The following SLC24A2 variants were observed in gnomAD, a reference collection of about 807,000 sequenced individuals.
SLC24A2 encodes solute carrier family 24 member 2, also known as sodium/potassium/calcium exchanger 2.
A neutral mutation model predicts 62.0 loss-of-function variants in SLC24A2; 36 were observed. The observed-to-expected ratio is 0.58, with a 90% CI of 0.44 to 0.77. The LOEUF is 0.77. Ranked by LOEUF, SLC24A2 falls within the 30% of genes least tolerant of loss-of-function variation. SLC24A2 has a pLI of 0.00. For synonymous variants in SLC24A2, 358 were observed against 294.0 expected (o/e 1.22, Z -2.23); for missense variants, 846 against 817.9 (o/e 1.03, Z -0.42).
At chr9:19,568,869 C>T (rs548498922) in intron 7 of SLC24A2, among the ~76,000 whole-genome samples, 1 of 152,282 alleles carries the variant, frequency 6.6e-6, no homozygotes, top group Non-Finnish European at 1.5e-5. Flanking sequence ...CCGCCCCAGC[C>T]CCTGTTCTGG....
chr9:20,050,533 G>C, the SLC24A2 span, among the ~76,000 whole-genome samples: 2 of 152,138 alleles, frequency 1.3e-5, no homozygotes, highest in African/African-American at 4.8e-5. Context: ...GAGGAATAGA[G>C]ACCTCATGCT....
chr9:20,001,602 C>A, the SLC24A2 span, among the ~76,000 whole-genome samples: 7 of 152,298 alleles, frequency 4.6e-5, no homozygotes, highest in South Asian at 1.4e-3. Flanking sequence ...CTGGCAATGG[C>A]TGAGTTTGGT....
intron 8 of SLC24A2, among the ~76,000 whole-genome samples, chr9:19,528,649 A>G (rs2132661422): frequency 6.6e-6 from 1 of 152,312 alleles, no homozygotes; most frequent in African/African-American, 2.4e-5. Context: ...AGATTGACTC[A>G]TCTTACAGTA....
At chr9:19,996,167 A>C in the SLC24A2 span, among the ~76,000 whole-genome samples, 1 of 152,206 alleles carries the variant, frequency 6.6e-6, no homozygotes, top group African/African-American at 2.4e-5. Flanking sequence ...GCTGTGAAGA[A>C]AAGGCTGGCT....
At chr9:20,135,642 T>C in the SLC24A2 span, among the ~76,000 whole-genome samples, 1 of 152,152 alleles carries the variant, frequency 6.6e-6, no homozygotes, top group Non-Finnish European at 1.5e-5. Context: ...CCTTAAGTGA[T>C]AACCACAGAG....
the SLC24A2 span, among the ~76,000 whole-genome samples, chr9:19,844,140 C>A: frequency 1.3e-5 from 2 of 152,198 alleles, no homozygotes; most frequent in African/African-American, 4.8e-5. Flanking sequence ...ACATTGCCAC[C>A]AACAGTGTAT....
At chr9:20,155,973 T>C in the SLC24A2 span, among the ~76,000 whole-genome samples, 1 of 151,824 alleles carries the variant, frequency 6.6e-6, no homozygotes, top group Admixed American at 6.6e-5. Flanking sequence ...TCATGCATTA[T>C]AATAATTTAT....
the SLC24A2 span, among the ~76,000 whole-genome samples, chr9:20,271,675 AT>A: frequency 2.6e-5 from 4 of 151,930 alleles, no homozygotes; most frequent in Admixed American, 6.6e-5. Flanking sequence ...CAGATGTTGA[AT>A]TTTTTTTTAA....
intron 8 of SLC24A2, among the ~76,000 whole-genome samples, chr9:19,542,975 C>G (rs1453023069): frequency 6.6e-6 from 1 of 152,162 alleles, no homozygotes; most frequent in Non-Finnish European, 1.5e-5. Flanking sequence ...AGGATCCCCT[C>G]TTTTTCTATT....
At chr9:20,055,239 C>CA in the SLC24A2 span, among the ~76,000 whole-genome samples, 2 of 151,596 alleles carry the variant, frequency 1.3e-5, no homozygotes, top group African/African-American at 4.8e-5. Context: ...CATGGGAGCA[C>CA]AAAAAAAGTC....
At chr9:20,182,087 C>T in the SLC24A2 span, among the ~76,000 whole-genome samples, 1 of 152,308 alleles carries the variant, frequency 6.6e-6, no homozygotes, top group South Asian at 2.1e-4. Context: ...GATACTATCT[C>T]ACACCAGTCA....
chr9:20,061,901 G>T, the SLC24A2 span, among the ~76,000 whole-genome samples: 1 of 152,038 alleles, frequency 6.6e-6, no homozygotes, highest in African/African-American at 2.4e-5. Context: ...GGCAACCCAC[G>T]GAGTGGATGA....
At chr9:20,056,167 C>T in the SLC24A2 span, among the ~76,000 whole-genome samples, 2 of 152,242 alleles carry the variant, frequency 1.3e-5, no homozygotes, top group East Asian at 1.9e-4. Context: ...AAGAGCCTGG[C>T]ATTTGCTGAT....
chr9:19,852,044 C>T, the SLC24A2 span, among the ~76,000 whole-genome samples: 1 of 152,160 alleles, frequency 6.6e-6, no homozygotes, highest in East Asian at 1.9e-4. Flanking sequence ...AAGATAGTAT[C>T]TCATTGTGGT....
At chr9:20,079,569 T>C in the SLC24A2 span, among the ~76,000 whole-genome samples, 1 of 152,224 alleles carries the variant, frequency 6.6e-6, no homozygotes, top group South Asian at 2.1e-4. Context: ...GGACATTTAG[T>C]TTGTTTCTGT....
At chr9:19,608,708 T>C (rs566276953) in intron 4 of SLC24A2, among the ~76,000 whole-genome samples, 1 of 152,210 alleles carries the variant, frequency 6.6e-6, no homozygotes, top group Non-Finnish European at 1.5e-5. Flanking sequence ...AGTTCCACTT[T>C]CTTGTTTTCC....
chr9:19,878,681 C>T, the SLC24A2 span, among the ~76,000 whole-genome samples: 167 of 152,152 alleles, frequency 1.1e-3, 2 homozygotes, highest in African/African-American at 3.9e-3. Context: ...CTTTCTCTTG[C>T]CCTGGCCATG....
At chr9:19,877,715 C>T in the SLC24A2 span, among the ~76,000 whole-genome samples, 1 of 151,782 alleles carries the variant, frequency 6.6e-6, no homozygotes, top group Non-Finnish European at 1.5e-5. Context: ...GAGACAGGAA[C>T]CTGGAGGAAG....
At chr9:19,523,518 A>T (rs941791063) in intron 9 of SLC24A2, among the ~76,000 whole-genome samples, 8 of 152,092 alleles carry the variant, frequency 5.3e-5, no homozygotes, top group African/African-American at 1.9e-4. Flanking sequence ...GCTGGAGTGC[A>T]GTGGTGTGAT....
Sources: gnomAD v4.1 joint callset for allele counts (sites outside exome capture counted in the v4.1 genomes callset) on GRCh38, gnomAD v4.1.1 for gene constraint, MANE v1.5 for transcripts, NCBI Gene and HGNC (gene_info 2026-07-23, HGNC 2026-07-21) for gene names.